Variants in NYNRIN observed in about 807,000 individuals in gnomAD.
NYNRIN encodes protein NYNRIN.
NYNRIN carries 86 observed loss-of-function variants against 146.6 expected under a neutral mutation model. That is an observed-to-expected ratio of 0.59 (90% CI 0.49 to 0.70). The LOEUF (loss-of-function observed/expected upper bound fraction) is 0.70, where lower values mean the gene tolerates loss of function less well. Ranked by LOEUF, NYNRIN falls within the 30% of genes least tolerant of loss-of-function variation. The pLI, the probability that NYNRIN is intolerant of heterozygous loss-of-function variation, is 0.00. For missense variants in NYNRIN, 2,191 were observed against 2,377.7 expected, an observed-to-expected ratio of 0.92 and a Z score of 1.63; for synonymous variants, 1,027 against 1,001.3, an observed-to-expected ratio of 1.03 and a Z score of -0.48.
rs773124937 is a variant in NYNRIN at position 24,409,491 on chromosome 14, C to T, written c.1697C>T (p.Ala566Val). Reference sequence around the variant, plus strand: ...CCCTCCAGAACTCAAGTGCCATCTGCAGCTCCCAAACTGCCTACATCTCGA... The same window carrying T: ...CCCTCCAGAACTCAAGTGCCATCTGTAGCTCCCAAACTGCCTACATCTCGA... ...ENPSRTQVPS[A>V]APKLPTSRMM... is the part of the protein sequence containing the mutation. Residue 566 changes from alanine (A) to valine (V), a missense_variant, in exon 4 of 9, where the codon GCA becomes GTA. Around this residue, in one of 3 missense-constraint regions of NYNRIN, gnomAD observed 895 missense variants for 941.2 expected, o/e 0.95. Transcript: ENST00000382554. The T allele has an allele frequency of 6.2e-7, 1 of 1,613,864 alleles. No individual in the cohort carries two copies. The highest frequency in any genetic ancestry group is 8.5e-7 in the Non-Finnish European group (1 of 1,179,852).
At position 24,408,881 on chromosome 14, in the gene NYNRIN, G is replaced by A. The variant is rs772910282; in HGVS notation, c.1087G>A (p.Ala363Thr). ...AGCCTTTGGGCCATTGTGGCCGGGG[G>A]CTATTGCTGCAACCTTCTGGAGGAT... ...GPAFGPLWPG[A>T]IAATFWRINE... is the part of the protein sequence containing the mutation. Residue 363 changes from alanine (A) to threonine (T), a missense_variant, in exon 4 of 9, where the codon GCT (alanine) becomes ACT (threonine). Transcript: ENST00000382554. 9.9e-6 allele frequency: 16 copies of A among 1,613,906 alleles called. No homozygotes were observed. In the African/African-American group the frequency reaches 1.7e-4, roughly 17 times the overall value.
intron 2 of NYNRIN, among the ~76,000 whole-genome samples, chr14:24,402,231 C>T (rs2042848471): frequency 6.6e-6 from 1 of 152,158 alleles, no homozygotes; most frequent in African/African-American, 2.4e-5. Context: ...CTGTGAAACA[C>T]ATACCCAGGC....
intron 7 of NYNRIN, 44 bp from the exon 8 acceptor site, chr14:24,413,272 T>G: frequency 6.4e-7 from 1 of 1,564,590 alleles, no homozygotes; most frequent in Non-Finnish European, 8.7e-7. Context: ...TGTGGGTGGG[T>G]CAAGGGCTCA....
At position 24,415,370 on chromosome 14, in the gene NYNRIN, C is replaced by A. The variant is rs746486708; in HGVS notation, c.3621C>A (p.Asp1207Glu). ...GCCAGGGCCCCCAGTCAGGGGGTGA[C>A]AGCCCCTATGCTGTGGCCTGGGCCC... ...EESQGPQSGG[D>E]SPYAVAWALK... Residue 1207 changes from aspartate to glutamate, a missense_variant, in exon 9 of 9, where the codon GAC (aspartate) becomes GAA (glutamate). Physicochemically the swap from Asp to Glu is conservative, Grantham distance 45. Coordinates refer to ENST00000382554, the MANE Select transcript of NYNRIN (RefSeq NM_025081.3). 6.2e-7 allele frequency: 1 copy of A among 1,614,004 alleles called. No homozygotes were observed. Among genetic ancestry groups the A allele is most frequent in the Admixed American group, 1.7e-5 (1 of 60,036 alleles).
In NYNRIN at chr14:24,411,582, TG is replaced by T; in HGVS notation, c.2642+136del. ...TTGGGGGTGTCGGTTGTGCAGAGGG[TG>T]GGGTGGAGCACGGGCATCTGTCAGC... On this transcript the variant is annotated intron_variant, in intron 6 of 8. Coordinates refer to ENST00000382554, the MANE Select transcript of NYNRIN (RefSeq NM_025081.3). The surrounding 1 kb of genome is among the most constrained non-coding windows in gnomAD (Gnocchi z 4.3). 1 of 774,980 alleles carries T rather than the reference TG, an allele frequency of 1.3e-6. No homozygotes were observed. Among genetic ancestry groups the T allele is most frequent in the South Asian group, 1.6e-5 (1 of 63,472 alleles). 48.0% of individuals were successfully genotyped at this position (774,980 alleles called of 1,614,324 possible).
chr14:24,417,079 G>A lies in NYNRIN; in HGVS notation c.5330G>A (p.Ser1777Asn), dbSNP rs2042953242. The change falls in exon 9 of 9, where the codon AGC (serine) becomes AAC (asparagine). Residue 1777 changes from serine to asparagine, a missense_variant. Around this residue, in one of 3 missense-constraint regions of NYNRIN, gnomAD observed 1,291 missense variants for 1,417.0 expected, o/e 0.91. Transcript: ENST00000382554. The stretch of plus-strand genomic sequence containing the variant: ...ACGGAGCCCCTGTGGTGGGAGATGA[G>A]CAGCGCAAACATTGAAGGGCTCAAG... ...RLTEPLWWEM[S>N]SANIEGLKMD... 1.2e-6 allele frequency: 2 copies of A among 1,613,340 alleles called. No individual in the cohort carries two copies. Among genetic ancestry groups the A allele is most frequent in the Non-Finnish European group, 1.7e-6 (2 of 1,179,456 alleles).
intron 2 of NYNRIN, among the ~76,000 whole-genome samples, chr14:24,407,050 C>T (rs1398290669): frequency 1.3e-5 from 2 of 152,152 alleles, no homozygotes; most frequent in Non-Finnish European, 2.9e-5. Flanking sequence ...TGCCTCTGGG[C>T]AACAGAGTTA....
At chr14:24,412,250 C>T (rs1021931929) in intron 6 of NYNRIN, among the ~76,000 whole-genome samples, 26 of 152,092 alleles carry the variant, frequency 1.7e-4, no homozygotes, top group African/African-American at 5.6e-4. Flanking sequence ...TAAGTTCAGG[C>T]GTGGGTTTGA....
rs924476463 is a variant in NYNRIN, at chr14:24,411,639, G to T, written c.2642+189G>T. On this transcript the variant is annotated intron_variant, in intron 6 of 8. Transcript: ENST00000382554. This position sits in a 1 kb window ranked among gnomAD's most constrained non-coding sequence, Gnocchi z 4.3. Reference sequence around the variant, plus strand: ...GATGGGCACATTGAGGAAAGGGCTTGAGGTTGGCTCTCCCCAAGCCCGGAG... The same window carrying T: ...GATGGGCACATTGAGGAAAGGGCTTTAGGTTGGCTCTCCCCAAGCCCGGAG... 6.6e-6 allele frequency among the ~76,000 whole-genome samples: 1 copy of T among 152,196 alleles called. No individual in the cohort carries two copies. The highest frequency in any genetic ancestry group is 1.5e-5 in the Non-Finnish European group (1 of 68,032).
Position 24,415,898 on chromosome 14 carries a change from C to A in NYNRIN, c.4149C>A (p.Ser1383Arg). 2 of 1,613,990 alleles carry A rather than the reference C, an allele frequency of 1.2e-6. No homozygotes were observed. Among genetic ancestry groups the A allele is most frequent in the Non-Finnish European group, 1.7e-6 (2 of 1,179,890 alleles). ...VFLTHCNWIF[S>R]LLWELLPLWR... is the part of the protein sequence containing the mutation. ...TCACTCACTGCAACTGGATCTTCAG[C>A]CTCCTGTGGGAGCTCCTGCCCCTCT... is the stretch of plus-strand genomic sequence containing the variant. Residue 1383 changes from serine to arginine, a missense_variant, in exon 9 of 9, where the codon AGC becomes AGA. This residue lies in a region of NYNRIN where 1,291 missense variants were observed against 1,417.0 expected (regional missense o/e 0.91). Transcript: ENST00000382554.
chr14:24,412,938 G>T, intron 6 of NYNRIN, 59 bp from the exon 7 acceptor site: 1 of 1,111,118 alleles, frequency 9.0e-7, no homozygotes, highest in South Asian at 1.4e-5. Context: ...TTTCCCAGAT[G>T]ACCCAGGAAG....
In NYNRIN at chr14:24,414,931, C is replaced by T; in HGVS notation, c.3182C>T (p.Ala1061Val). The T allele has an allele frequency of 6.2e-7, 1 of 1,600,136 alleles. No homozygotes were observed. The highest frequency in any genetic ancestry group is 1.1e-5 in the South Asian group (1 of 90,270). The change falls in exon 9 of 9, where the codon GCT becomes GTT. Residue 1061 changes from alanine to valine, a missense_variant. This residue lies in a region of NYNRIN where 1,291 missense variants were observed against 1,417.0 expected (regional missense o/e 0.91). Coordinates refer to ENST00000382554, the MANE Select transcript of NYNRIN (RefSeq NM_025081.3). Reference protein sequence around the residue: ...ALDIDLLPGAASPYLGIPWDG... With the variant: ...ALDIDLLPGAVSPYLGIPWDG... ...GACATCGACCTCCTGCCAGGGGCAGCTTCTCCCTACCTGGGCATCCCCTGG... is the reference window on the plus strand; with the variant it reads ...GACATCGACCTCCTGCCAGGGGCAGTTTCTCCCTACCTGGGCATCCCCTGG...
chr14:24,415,720 G>A lies in NYNRIN; in HGVS notation c.3971G>A (p.Cys1324Tyr). The A allele has an allele frequency of 1.2e-6, 2 of 1,613,874 alleles. No individual in the cohort carries two copies. Among genetic ancestry groups the A allele is most frequent in the Non-Finnish European group, 1.7e-6 (2 of 1,179,820 alleles). ...TGCTTCTACCGTGAGGATGAGTGGTGTGCTGGCTTTGGTCTCTATGTTCTA... is the reference window on the plus strand; with the variant it reads ...TGCTTCTACCGTGAGGATGAGTGGTATGCTGGCTTTGGTCTCTATGTTCTA... ...GYCFYREDEW[C>Y]AGFGLYVLSP... The change falls in exon 9 of 9, where the codon TGT (cysteine) becomes TAT (tyrosine). Residue 1324 changes from cysteine to tyrosine, a missense_variant. By Grantham distance (194) the Cys-to-Tyr change is radical. Transcript: ENST00000382554.
chr14:24,405,123 G>C (rs1256570906), intron 2 of NYNRIN, among the ~76,000 whole-genome samples: 2 of 151,884 alleles, frequency 1.3e-5, no homozygotes, highest in Non-Finnish European at 2.9e-5. Context: ...AGATCTAACT[G>C]CTCCTCAAAG....
In NYNRIN at chr14:24,418,482, G is replaced by A. The variant is rs45509494; in HGVS notation, c.*1036G>A. 9.0e-3 allele frequency: 3,092 copies of A among 343,726 alleles called. 22 individuals carry two copies. The highest frequency in any genetic ancestry group is 0.013 in the Non-Finnish European group (2,225 of 174,192). The allele number at this position is 343,726 out of a possible 1,614,324, so 21.3% of individuals were successfully genotyped here. ...TTGCTTCATCTGTATCACCCCCCGAGTCCTGTGGACCTGCCTTCTGTGTAG... is the reference window on the plus strand; with the variant it reads ...TTGCTTCATCTGTATCACCCCCCGAATCCTGTGGACCTGCCTTCTGTGTAG... On this transcript the variant is annotated 3_prime_UTR_variant, in exon 9 of 9. Coordinates refer to ENST00000382554, the MANE Select transcript of NYNRIN (RefSeq NM_025081.3).
chr14:24,415,931 T>C lies in NYNRIN; in HGVS notation c.4182T>C (p.Ala1394=). The C allele has an allele frequency of 6.2e-7, 1 of 1,613,910 alleles. No individual in the cohort carries two copies. Among genetic ancestry groups the C allele is most frequent in the Non-Finnish European group, 8.5e-7 (1 of 1,179,872 alleles). Residue 1394 remains alanine, a synonymous_variant, in exon 9 of 9, where the codon GCT becomes GCC. Transcript: ENST00000382554. The stretch of plus-strand genomic sequence containing the variant: ...GGGAGCTCCTGCCCCTCTGGAGGGC[T>C]CGGGGCTTCCTCTCCTCTGATGGGG... ...LLWELLPLWR[A]RGFLSSDGAP...
chr14:24,400,185 A>T (rs2042832079), intron 2 of NYNRIN, among the ~76,000 whole-genome samples: 1 of 152,048 alleles, frequency 6.6e-6, no homozygotes, highest in Non-Finnish European at 1.5e-5. Context: ...GGAGTCTGGG[A>T]GGAGGGCTAT....
Position 24,409,019 on chromosome 14 carries a change from C to G in NYNRIN, c.1225C>G (p.Pro409Ala). ...PIQLKLPGQN[P>A]LPLNLEWKQK... ...TCAGTTGAAGCTGCCAGGGCAGAAT[C>G]CTTTGCCCTTAAATCTGGAGTGGAA... The change falls in exon 4 of 9, where the codon CCT becomes GCT. Residue 409 changes from proline (P) to alanine (A), a missense_variant. Coordinates refer to ENST00000382554, the MANE Select transcript of NYNRIN (RefSeq NM_025081.3). 2 of 1,613,474 alleles carry G rather than the reference C, an allele frequency of 1.2e-6. No individual in the cohort carries two copies. The highest frequency in any genetic ancestry group is 1.7e-6 in the Non-Finnish European group (2 of 1,179,656).
intron 8 of NYNRIN, 21 bp from the exon 9 acceptor site, chr14:24,414,575 C>G (rs1362875553): frequency 3.8e-6 from 6 of 1,586,146 alleles, no homozygotes; most frequent in Non-Finnish European, 5.2e-6. Context: ...GCCCTTCCCT[C>G]TTCCATCTGT....
Sources: allele counts gnomAD v4.1 joint callset (sites outside exome capture counted in the v4.1 genomes callset), GRCh38; gene constraint gnomAD v4.1.1; regional missense constraint gnomAD v4.1.1; non-coding constraint Gnocchi (gnomAD v3.1); transcripts MANE v1.5; gene names NCBI Gene and HGNC (gene_info 2026-07-23, HGNC 2026-07-21).